ERG: variants seen among roughly 807,000 people sequenced by gnomAD.
ERG encodes ETS transcription factor ERG, also known as transcriptional regulator ERG.
Under a neutral mutation model 55.3 loss-of-function variants are expected in ERG, and 9 were observed. The observed-to-expected ratio is 0.16, with a 90% CI of 0.10 to 0.28. The LOEUF is 0.28. ERG is among the 10% of genes least tolerant of loss of function. ERG has a pLI of 1.00. For synonymous variants in ERG, 223 were observed against 237.3 expected (o/e 0.94, Z 0.55); for missense variants, 434 against 631.6 (o/e 0.69, Z 3.35).
In ERG at chr21:38,552,258, C is replaced by T. The variant is rs564158288; in HGVS notation, c.-41+23404G>A. The stretch of plus-strand genomic sequence containing the variant: ...CAACCAAATTCTACCAGATGTATAA[C>T]AAAGAGCTACTACCAATCCTACTGA... On this transcript the variant is annotated intron_variant, in intron 2 of 8. Transcript: ENST00000398897. Among the ~76,000 whole-genome samples the T allele has an allele frequency of 5.9e-5, 9 of 152,216 alleles. No individual in the cohort carries two copies. In the South Asian group the frequency reaches 1.9e-3, roughly 32 times the overall value.
At chr21:38,504,410 C>T (rs1171556429) in intron 2 of ERG, among the ~76,000 whole-genome samples, 1 of 152,196 alleles carries the variant, frequency 6.6e-6, no homozygotes, top group Non-Finnish European at 1.5e-5. Context: ...TTATCAAGGA[C>T]TCCAAATAGG....
At chr21:38,656,061 C>A (rs1342548153) in intron 1 of ERG, among the ~76,000 whole-genome samples, 1 of 152,152 alleles carries the variant, frequency 6.6e-6, no homozygotes, top group African/African-American at 2.4e-5. Flanking sequence ...ACCACTGCCC[C>A]TGCAGAGGCC....
chr21:38,566,107 T>C (rs2059921124), intron 2 of ERG, among the ~76,000 whole-genome samples: 1 of 152,194 alleles, frequency 6.6e-6, no homozygotes, highest in African/African-American at 2.4e-5. Flanking sequence ...GAAGTATAGA[T>C]GGGCAGAATT....
intron 2 of ERG, among the ~76,000 whole-genome samples, chr21:38,532,346 C>T (rs2059678755): frequency 7.1e-6 from 1 of 141,436 alleles, no homozygotes; most frequent in African/African-American, 2.6e-5. Flanking sequence ...TAGTTAACAG[C>T]TGGAAGACTG....
At chr21:38,542,235 G>A (rs1417403643) in intron 2 of ERG, among the ~76,000 whole-genome samples, 5 of 152,098 alleles carry the variant, frequency 3.3e-5, no homozygotes, top group African/African-American at 4.8e-5. Flanking sequence ...TGATCCACCC[G>A]CCTCAGCCTC....
At chr21:38,517,834 G>A (rs1727148712) in intron 2 of ERG, among the ~76,000 whole-genome samples, 2 of 152,066 alleles carry the variant, frequency 1.3e-5, no homozygotes, top group African/African-American at 4.8e-5. Flanking sequence ...AGGTCATTAT[G>A]TCAAGTAAAA....
At chr21:38,633,878 G>GGAA (rs2060372057) in intron 1 of ERG, among the ~76,000 whole-genome samples, 1 of 148,200 alleles carries the variant, frequency 6.7e-6, no homozygotes, top group East Asian at 2.0e-4. Context: ...CAGTTGATAT[G>GGAA]AAAAAAAAAA....
intron 2 of ERG, among the ~76,000 whole-genome samples, chr21:38,429,721 C>CTA (rs557957587): frequency 1.8e-5 from 2 of 114,240 alleles, no homozygotes; most frequent in Non-Finnish European, 3.3e-5. Context: ...GCATATATGT[C>CTA]TATATATATG....
At chr21:38,518,319 T>C (rs924989149) in intron 2 of ERG, among the ~76,000 whole-genome samples, 4 of 150,580 alleles carry the variant, frequency 2.7e-5, no homozygotes, top group Admixed American at 6.6e-5. Context: ...AAAAGGCAAA[T>C]CTTAAAAAAA....
At chr21:38,431,691 A>G (rs1194916288) in intron 2 of ERG, among the ~76,000 whole-genome samples, 1 of 152,240 alleles carries the variant, frequency 6.6e-6, no homozygotes, top group African/African-American at 2.4e-5. Flanking sequence ...TTAATAAGCT[A>G]CATACAAACC....
intron 1 of ERG, among the ~76,000 whole-genome samples, chr21:38,598,197 C>T (rs2060143448): frequency 6.6e-6 from 1 of 152,216 alleles, no homozygotes; most frequent in African/African-American, 2.4e-5. Context: ...CCCAAGACTC[C>T]AGTCCCTGTC....
chr21:38,444,693 C>A (rs1243503469), intron 2 of ERG, among the ~76,000 whole-genome samples: 12 of 149,092 alleles, frequency 8.0e-5, no homozygotes, highest in Admixed American at 6.7e-4. Flanking sequence ...ATGGGAGACA[C>A]TGGAGAGGGC....
intron 3 of ERG, among the ~76,000 whole-genome samples, chr21:38,407,647 T>TATATATATATATATATAA (rs891801676): frequency 6.1e-5 from 9 of 146,682 alleles, no homozygotes; most frequent in African/African-American, 2.2e-4. Flanking sequence ...TATATATATT[T>TATATATATATATATATAA]AATGTATATT....
chr21:38,476,345 G>A (rs1268580260), intron 1 of ERG, among the ~76,000 whole-genome samples: 1 of 152,200 alleles, frequency 6.6e-6, no homozygotes, highest in Non-Finnish European at 1.5e-5. Flanking sequence ...CCTCGCTTCA[G>A]GGGTCCCATT....
intron 1 of ERG, among the ~76,000 whole-genome samples, chr21:38,657,668 T>C (rs553099580): frequency 6.6e-6 from 1 of 152,304 alleles, no homozygotes; most frequent in Admixed American, 6.5e-5. Flanking sequence ...AGCCCAGCCA[T>C]TGGAAAAGCC....
chr21:38,617,963 G>A (rs182784318), intron 1 of ERG, among the ~76,000 whole-genome samples: 93 of 152,266 alleles, frequency 6.1e-4, no homozygotes, highest in African/African-American at 2.1e-3. Flanking sequence ...GGCAGGACAA[G>A]GCCAGCCTGG....
Position 38,609,495 on chromosome 21 carries a change from T to G in ERG, c.-149-24550A>C, listed in dbSNP as rs570374839. 5.9e-5 allele frequency among the ~76,000 whole-genome samples: 9 copies of G among 152,208 alleles called. No homozygotes were observed. In the East Asian group the frequency reaches 1.7e-3, roughly 29 times the overall value. Reference sequence around the variant, plus strand: ...AAACTTAAAAAAATAAAAACAATTATGAGGCAATCAAAGAAAATTATGAAA... The same window carrying G: ...AAACTTAAAAAAATAAAAACAATTAGGAGGCAATCAAAGAAAATTATGAAA... On this transcript the variant is annotated intron_variant, in intron 1 of 10. Transcript: ENST00000398910.
At chr21:38,499,997 T>C (rs765321688), upstream of ERG, among the ~76,000 whole-genome samples, 2 of 152,174 alleles carry the variant, frequency 1.3e-5, no homozygotes, top group African/African-American at 2.4e-5. Context: ...GCTCTTTTCA[T>C]CTCTGAACAA....
At position 38,493,915 on chromosome 21, in the gene ERG, G is replaced by A. The variant is rs532156166; in HGVS notation, c.18+4448C>T. 9.5e-4 allele frequency among the ~76,000 whole-genome samples: 145 copies of A among 152,354 alleles called. 1 individual carries two copies. Among genetic ancestry groups the A allele is most frequent in the Middle Eastern group, 3.4e-3 (1 of 294 alleles). On this transcript the variant is annotated intron_variant, in intron 1 of 9. Transcript: ENST00000288319. ...TGGGCTTCACAGCTGAAGCTGGGCC[G>A]TGGGAAATGTTGAGACGAGTGAGTG...
Sources: gnomAD v4.1 joint callset for allele counts (sites outside exome capture counted in the v4.1 genomes callset) on GRCh38, gnomAD v4.1.1 for gene constraint, MANE v1.5 for transcripts, NCBI Gene and HGNC (gene_info 2026-07-23, HGNC 2026-07-21) for gene names.